Variants in CDK14 observed in about 807,000 individuals in gnomAD.
CDK14 encodes cyclin dependent kinase 14.
Under a neutral mutation model 60.7 loss-of-function variants are expected in CDK14, and 34 were observed. The ratio of observed to expected loss-of-function variants is 0.56; its 90% CI spans 0.43 to 0.75. The LOEUF is 0.75. CDK14 is among the 30% of genes least tolerant of loss of function. CDK14 has a pLI of 0.00. For missense variants in CDK14, 482 were observed against 564.1 expected, an observed-to-expected ratio of 0.85 and a Z score of 1.47; for synonymous variants, 197 against 203.7, an observed-to-expected ratio of 0.97 and a Z score of 0.28.
At chr7:90,771,972 G>A (rs1445805425) in intron 4 of CDK14, among the ~76,000 whole-genome samples, 1 of 152,234 alleles carries the variant, frequency 6.6e-6, no homozygotes, top group Non-Finnish European at 1.5e-5. Flanking sequence ...ATTGGAAAAT[G>A]TTTTGGAACA....
intron 11 of CDK14, among the ~76,000 whole-genome samples, chr7:91,049,409 A>G (rs1338986892): frequency 6.6e-6 from 1 of 152,238 alleles, no homozygotes; most frequent in Non-Finnish European, 1.5e-5. Flanking sequence ...AAAAATAGAG[A>G]CAAAGTCTTG....
chr7:91,023,372 T>C (rs1796484785), intron 10 of CDK14, among the ~76,000 whole-genome samples: 1 of 152,204 alleles, frequency 6.6e-6, no homozygotes, highest in Non-Finnish European at 1.5e-5. Flanking sequence ...CTATGATATG[T>C]TATCACTCGG....
At chr7:90,997,029 CTAAATA>C (rs1391829928) in intron 10 of CDK14, among the ~76,000 whole-genome samples, 1 of 152,160 alleles carries the variant, frequency 6.6e-6, no homozygotes, top group Non-Finnish European at 1.5e-5. Flanking sequence ...TCTCCAATGT[CTAAATA>C]TAACCCAACA....
At chr7:90,819,233 C>T (rs931903814) in intron 5 of CDK14, among the ~76,000 whole-genome samples, 3 of 152,008 alleles carry the variant, frequency 2.0e-5, no homozygotes, top group East Asian at 3.9e-4. Context: ...GATTTTCAAA[C>T]CTCTAGACTT....
intron 14 of CDK14, among the ~76,000 whole-genome samples, chr7:91,147,978 A>G (rs971131957): frequency 4.6e-5 from 7 of 152,216 alleles, no homozygotes; most frequent in Non-Finnish European, 1.0e-4. Context: ...ACATACTTAC[A>G]TGTATACACA....
At chr7:90,970,354 T>C (rs1335296683) in intron 9 of CDK14, among the ~76,000 whole-genome samples, 3 of 152,242 alleles carry the variant, frequency 2.0e-5, no homozygotes, top group Non-Finnish European at 4.4e-5. Flanking sequence ...AGGATAGTTT[T>C]ACTGTGTTCT....
chr7:91,103,394 G>C (rs954436799), intron 12 of CDK14, among the ~76,000 whole-genome samples: 2 of 152,040 alleles, frequency 1.3e-5, no homozygotes, highest in African/African-American at 4.8e-5. Flanking sequence ...GTACTCTCTA[G>C]TCTGGCAGAG....
At chr7:90,813,695 G>T (rs1415686448) in intron 5 of CDK14, among the ~76,000 whole-genome samples, 1 of 152,046 alleles carries the variant, frequency 6.6e-6, no homozygotes, top group Non-Finnish European at 1.5e-5. Flanking sequence ...GTTGCAGTGA[G>T]CTGAGATCGC....
intron 5 of CDK14, among the ~76,000 whole-genome samples, chr7:90,813,013 A>T (rs975071480): frequency 1.4e-4 from 21 of 152,214 alleles, no homozygotes; most frequent in African/African-American, 4.8e-4. Context: ...TCTGGAAACA[A>T]GTTAAATGTC....
chr7:91,162,225 CT>C (rs1801189436), intron 14 of CDK14, among the ~76,000 whole-genome samples: 1 of 152,114 alleles, frequency 6.6e-6, no homozygotes, highest in Non-Finnish European at 1.5e-5. Flanking sequence ...ACAATTTTCC[CT>C]TTTATGTATT....
chr7:90,626,220 C>T (rs1286253236), intron 2 of CDK14, among the ~76,000 whole-genome samples: 2 of 152,118 alleles, frequency 1.3e-5, no homozygotes, highest in African/African-American at 4.8e-5. Context: ...TTATCTTTTC[C>T]ACCCCTACAT....
At chr7:90,793,560 G>T (rs1447296550) in intron 5 of CDK14, among the ~76,000 whole-genome samples, 1 of 152,198 alleles carries the variant, frequency 6.6e-6, no homozygotes, top group Non-Finnish European at 1.5e-5. Context: ...CCTTTGCCAA[G>T]TGCAGTGAAC....
At chr7:90,632,826 C>T (rs1176534490) in intron 2 of CDK14, among the ~76,000 whole-genome samples, 1 of 152,186 alleles carries the variant, frequency 6.6e-6, no homozygotes, top group African/African-American at 2.4e-5. Flanking sequence ...CGGTGGCTCA[C>T]ACCTGTAATC....
Position 90,955,714 on chromosome 7 carries a change from T to G in CDK14, c.844T>G (p.Ser282Ala). 6.2e-7 allele frequency: 1 copy of G among 1,613,406 alleles called. No homozygotes were observed. Among genetic ancestry groups the G allele is most frequent in the East Asian group, 2.2e-5 (1 of 44,874 alleles). Residue 282 changes from serine (S) to alanine (A), a missense_variant, in exon 9 of 15, where the codon TCC (serine) becomes GCC (alanine). By Grantham distance (99) the Ser-to-Ala change is moderately conservative. Coordinates refer to ENST00000380050, the MANE Select transcript of CDK14 (RefSeq NM_001287135.2). Reference protein sequence around the residue: ...LADFGLARAKSVPSHTYSNEV... With the variant: ...LADFGLARAKAVPSHTYSNEV... The stretch of plus-strand genomic sequence containing the variant: ...ACCCACAGGTCTTGCAAGAGCAAAA[T>G]CCGTCCCTAGCCACACATACTCCAA...
chr7:91,048,036 G>T (rs943935284), intron 11 of CDK14, among the ~76,000 whole-genome samples: 2 of 151,970 alleles, frequency 1.3e-5, no homozygotes, highest in Admixed American at 1.3e-4. Flanking sequence ...ATCTGGAAAA[G>T]GTAATCTGAG....
intron 6 of CDK14, among the ~76,000 whole-genome samples, chr7:90,888,024 T>C (rs1341465164): frequency 1.3e-5 from 2 of 152,166 alleles, no homozygotes; most frequent in Non-Finnish European, 2.9e-5. Context: ...TAATATTTTA[T>C]ATTTGATTAT....
At chr7:90,804,610 A>G (rs183982324) in intron 5 of CDK14, among the ~76,000 whole-genome samples, 1 of 152,296 alleles carries the variant, frequency 6.6e-6, no homozygotes, top group Admixed American at 6.5e-5. Flanking sequence ...GTGTCTGCCA[A>G]CTGATATCAA....
intron 5 of CDK14, among the ~76,000 whole-genome samples, chr7:90,849,555 A>G (rs1477434897): frequency 2.0e-5 from 3 of 152,034 alleles, no homozygotes; most frequent in Non-Finnish European, 4.4e-5. Context: ...ATAATAGGGT[A>G]TAAGAGCTCT....
intron 14 of CDK14, among the ~76,000 whole-genome samples, chr7:91,189,183 T>G (rs1172986863): frequency 1.3e-5 from 2 of 152,174 alleles, no homozygotes; most frequent in Non-Finnish European, 2.9e-5. Context: ...TAATTTTATC[T>G]TAAACATAAG....
Sources: gnomAD v4.1 joint callset for allele counts (sites outside exome capture counted in the v4.1 genomes callset) on GRCh38, gnomAD v4.1.1 for gene constraint, MANE v1.5 for transcripts, NCBI Gene and HGNC (gene_info 2026-07-23, HGNC 2026-07-21) for gene names.